Variants in ARSH observed in about 807,000 individuals in gnomAD.
ARSH encodes arylsulfatase family member H.
ARSH carries 32 observed loss-of-function variants against 28.7 expected under a neutral mutation model. The ratio of observed to expected loss-of-function variants is 1.11; its 90% confidence interval spans 0.84 to 1.50. ARSH has a LOEUF of 1.50. Ranked by LOEUF, ARSH falls within the 40% of genes most tolerant of loss-of-function variation. The probability of loss-of-function intolerance (pLI) is 0.00; values close to 1 mark genes in which losing one functional copy is unlikely to be tolerated. For synonymous variants in ARSH, 176 were observed against 177.3 expected (o/e 0.99, Z 0.06); for missense variants, 440 against 452.4 (o/e 0.97, Z 0.25).
rs2089902144 is a variant in ARSH at position 3,027,454 on chromosome X, G to C, written c.1178G>C (p.Gly393Ala). The C allele has an allele frequency of 8.3e-7, 1 of 1,209,577 alleles. No individual in the cohort carries two copies. The highest frequency in any genetic ancestry group is 2.2e-5 in the Admixed American group (1 of 45,663). Residue 393 changes from glycine to alanine, a missense_variant, in exon 7 of 9, where the codon GGA (glycine) becomes GCA (alanine). Gly to Ala is a moderately conservative substitution (Grantham distance 60, BLOSUM62 0). Transcript: ENST00000381130. ...TATCCGACGCTGTCTTATATAGGCG[G>C]AGGGATCTTGTCCCAGGACAGGTAT... ...DIYPTLSYIG[G>A]GILSQDRVID...
intron 1 of ARSH, among the ~76,000 whole-genome samples, 200 bp from the exon 2 acceptor site, chrX:3,009,830 T>C (rs1271368739): frequency 8.9e-6 from 1 of 112,138 alleles, no homozygotes; most frequent in African/African-American, 3.2e-5. Context: ...TGACTAAAGA[T>C]ATATTTTAAA....
At chrX:3,008,501 CT>C (rs1199311739) in intron 1 of ARSH, among the ~76,000 whole-genome samples, 8 of 93,437 alleles carry the variant, frequency 8.6e-5, no homozygotes, top group African/African-American at 2.8e-4. Flanking sequence ...TTCTTTCTTT[CT>C]TTCTTTCTTT....
chrX:3,024,319 A>T (rs1025864749), intron 6 of ARSH, among the ~76,000 whole-genome samples, 164 bp downstream of exon 6: 1 of 109,883 alleles, frequency 9.1e-6, no homozygotes, highest in Non-Finnish European at 1.9e-5. Flanking sequence ...ATTTTGGGGC[A>T]GTTTCCAAGA....
intron 5 of ARSH, among the ~76,000 whole-genome samples, chrX:3,022,771 AT>A (rs776761601): frequency 8.9e-6 from 1 of 111,927 alleles, no homozygotes; most frequent in African/African-American, 3.2e-5. Context: ...AACAGCAAGA[AT>A]AACCTGCAAT....
rs182109460 is a variant in ARSH at position 3,022,370 on chromosome X, T to C, written c.902-1651T>C. 8.0e-5 allele frequency among the ~76,000 whole-genome samples: 9 copies of C among 112,147 alleles called. No homozygotes were observed. The Admixed American group carries it at 8.6e-4, about 11-fold the overall frequency. On this transcript the variant is annotated intron_variant, in intron 5 of 8. Transcript: ENST00000381130. ...CTTACAAACCCTGGGCTTTAAAATA[T>C]CTTAATTTCTAATTATAGCATTTCT...
rs1298609852 is a variant in ARSH, at chrX:3,033,366, T to C, written c.1670T>C (p.Ile557Thr). ...PFCGCDKEDD[I>T]LPMAP The stretch of plus-strand genomic sequence containing the variant: ...TGTGGGTGTGACAAGGAAGATGACA[T>C]CCTTCCCATGGCTCCCTGAGACCAT... Residue 557 changes from isoleucine to threonine, a missense_variant, in exon 9 of 9, where the codon ATC becomes ACC. By Grantham distance (89) the Ile-to-Thr change is moderately conservative (BLOSUM62 -1). Coordinates refer to ENST00000381130, the MANE Select transcript of ARSH (RefSeq NM_001011719.2). The C allele has an allele frequency of 1.7e-6, 2 of 1,201,778 alleles. No individual in the cohort carries two copies. Among genetic ancestry groups the C allele is most frequent in the Admixed American group, 2.2e-5 (1 of 45,130 alleles).
intron 2 of ARSH, among the ~76,000 whole-genome samples, chrX:3,011,559 G>A (rs1208743552): frequency 9.0e-6 from 1 of 111,260 alleles, no homozygotes; most frequent in Non-Finnish European, 1.9e-5. Flanking sequence ...CCTAATTTCA[G>A]GGAATTTTAA....
intron 8 of ARSH, among the ~76,000 whole-genome samples, chrX:3,030,531 C>T (rs1282609135): frequency 9.0e-6 from 1 of 111,621 alleles, no homozygotes; most frequent in Non-Finnish European, 1.9e-5. Flanking sequence ...CTCACAGTTC[C>T]ACATGGCTGG....
At chrX:3,011,842 A>G (rs1350240317) in intron 2 of ARSH, among the ~76,000 whole-genome samples, 1 of 111,135 alleles carries the variant, frequency 9.0e-6, no homozygotes, top group Non-Finnish European at 1.9e-5. Context: ...GGATCCTTGA[A>G]ATATACTTTT....
chrX:3,018,640 G>A lies in ARSH; in HGVS notation c.871G>A (p.Asp291Asn), dbSNP rs1371073060. The A allele has an allele frequency of 8.3e-7, 1 of 1,210,850 alleles. No homozygotes were observed. Among genetic ancestry groups the A allele is most frequent in the African/African-American group, 1.7e-5 (1 of 57,717 alleles). ...VGRSKYGRYG[D>N]NVEEMDWMVG... ...GCGCAGTAAATATGGCAGGTATGGG[G>A]ACAATGTAGAAGAAATGGATTGGAT... The change falls in exon 5 of 9, where the codon GAC (aspartate) becomes AAC (asparagine). Residue 291 changes from aspartate (D) to asparagine (N), a missense_variant. Coordinates refer to ENST00000381130, the MANE Select transcript of ARSH (RefSeq NM_001011719.2).
intron 8 of ARSH, 78 bp from the exon 9 acceptor site, chrX:3,032,940 G>C: frequency 9.2e-7 from 1 of 1,085,987 alleles, no homozygotes; most frequent in Non-Finnish European, 1.2e-6. Context: ...AAAAGCTTTT[G>C]AGAAAAACAT....
At chrX:3,023,388 A>G (rs181902224) in intron 5 of ARSH, among the ~76,000 whole-genome samples, 2,783 of 104,205 alleles carry the variant, frequency 0.027, 96 homozygotes, top group African/African-American at 0.092. Flanking sequence ...ATATTTTCCT[A>G]TGTCAATAAA....
intron 2 of ARSH, among the ~76,000 whole-genome samples, chrX:3,011,252 C>CTTTTT (rs386419239): frequency 2.5e-4 from 23 of 90,881 alleles, no homozygotes; most frequent in East Asian, 6.9e-4. Context: ...TTCTTTCTTT[C>CTTTTT]TTTTTTTTTT....
At chrX:3,031,952 C>T (rs2089915052) in intron 8 of ARSH, among the ~76,000 whole-genome samples, 1 of 111,141 alleles carries the variant, frequency 9.0e-6, no homozygotes, top group Non-Finnish European at 1.9e-5. Context: ...AAGCATCACA[C>T]CTGCACTCCA....
intron 6 of ARSH, among the ~76,000 whole-genome samples, chrX:3,024,449 C>G (rs1197887210): frequency 9.0e-6 from 1 of 110,874 alleles, no homozygotes; most frequent in Non-Finnish European, 1.9e-5. Context: ...GGAGGATTCT[C>G]TGGCTGGGGG....
Position 3,006,700 on chromosome X carries a change from G to A in ARSH, c.88G>A (p.Val30Met). 8.3e-7 allele frequency: 1 copy of A among 1,203,652 alleles called. No homozygotes were observed. Among genetic ancestry groups the A allele is most frequent in the East Asian group, 3.0e-5 (1 of 33,781 alleles). Reference sequence around the variant, plus strand: ...TTTGTGCTGCTACGGTAATAACTCAGTGAGGTAAAGATGGACTCTGACCCC... The same window carrying A: ...TTTGTGCTGCTACGGTAATAACTCAATGAGGTAAAGATGGACTCTGACCCC... Reference protein sequence around the residue: ...GDLCCYGNNSVSTPNIDRLAS... With the variant: ...GDLCCYGNNSMSTPNIDRLAS... The change falls in exon 1 of 9, where the codon GTG becomes ATG. Residue 30 changes from valine to methionine, a missense_variant. Transcript: ENST00000381130.
At chrX:3,027,240 G>A (rs1036000155) in intron 6 of ARSH, 73 bp from the exon 7 acceptor site, 7 of 1,115,971 alleles carry the variant, frequency 6.3e-6, no homozygotes, top group Non-Finnish European at 7.3e-6. Flanking sequence ...GATTACAGGC[G>A]TGAGCCACCG....
intron 1 of ARSH, 89 bp from the exon 2 acceptor site, chrX:3,009,941 C>T (rs2089841573): frequency 4.6e-6 from 5 of 1,087,439 alleles, no homozygotes; most frequent in Non-Finnish European, 6.2e-6. Context: ...ATAGAGTCAA[C>T]TTGACCCAAA....
chrX:3,022,801 T>G (rs2089887860), intron 5 of ARSH, among the ~76,000 whole-genome samples: 1 of 111,568 alleles, frequency 9.0e-6, no homozygotes, highest in Non-Finnish European at 1.9e-5. Flanking sequence ...AGACTTCAGA[T>G]AGCAGCCAGG....
Sources: gnomAD v4.1 joint callset for allele counts (sites outside exome capture counted in the v4.1 genomes callset) on GRCh38, gnomAD v4.1.1 for gene constraint, MANE v1.5 for transcripts, NCBI Gene and HGNC (gene_info 2026-07-23, HGNC 2026-07-21) for gene names.